Variants in PPFIBP2 observed in about 807,000 individuals in gnomAD.
PPFIBP2 encodes PPFIB scaffold protein 2.
In PPFIBP2, 118 loss-of-function variants were observed where a neutral mutation model predicts 118.3. The observed-to-expected ratio is 1.00, with a 90% confidence interval of 0.86 to 1.16. The LOEUF (loss-of-function observed/expected upper bound fraction) is 1.16. Ranked by LOEUF, PPFIBP2 falls within the 50% of genes most tolerant of loss-of-function variation. The pLI is 0.00. For missense variants in PPFIBP2, 1,195 were observed against 1,073.1 expected, an observed-to-expected ratio of 1.11 and a Z score of -1.59; for synonymous variants, 414 against 397.4, an observed-to-expected ratio of 1.04 and a Z score of -0.50.
chr11:7,569,914 G>T (rs1378764917), intron 3 of PPFIBP2, among the ~76,000 whole-genome samples: 1 of 152,172 alleles, frequency 6.6e-6, no homozygotes, highest in African/African-American at 2.4e-5. Context: ...GGTTATTTCA[G>T]TTCAGGAGCC....
intron 2 of PPFIBP2, among the ~76,000 whole-genome samples, chr11:7,564,296 G>A (rs11041457): frequency 0.25 from 38,217 of 152,012 alleles, 5,479 homozygotes; most frequent in African/African-American, 0.4. Context: ...GTATATGTGC[G>A]GGCATTTTGT....
At chr11:7,576,535 A>C (rs1856346003) in intron 3 of PPFIBP2, 1 of 152,430 alleles carries the variant, frequency 6.6e-6, no homozygotes, top group Admixed American at 6.5e-5. Context: ...CAGCCTTTCC[A>C]AGGCCCCTGT....
Position 7,642,404 on chromosome 11 carries a change from AGG to A in PPFIBP2, c.1626_1627del (p.Asp543LeufsTer7). ...ATAGPRLSRT[R>X]DSKGQKSDAN... ...CGCAGGGCCAAGACTCTCTAGGACC[AGG>A]GACTCCAAGGGACAGAAAAGGTAAG... On this transcript the variant is annotated frameshift_variant, in exon 17 of 24. Coordinates refer to ENST00000299492, the MANE Select transcript of PPFIBP2 (RefSeq NM_003621.5). LOFTEE classifies it high-confidence loss of function. 1 of 1,613,670 alleles carries A rather than the reference AGG, an allele frequency of 6.2e-7. No homozygotes were observed. The highest frequency in any genetic ancestry group is 8.5e-7 in the Non-Finnish European group (1 of 1,179,738).
downstream of PPFIBP2, chr11:7,655,360 G>T (rs1189696479): frequency 8.6e-7 from 1 of 1,163,262 alleles, no homozygotes; most frequent in Admixed American, 2.3e-5. Flanking sequence ...GAGCACGACA[G>T]GACTTGCATG....
chr11:7,564,129 G>A (rs1854666105), intron 2 of PPFIBP2, among the ~76,000 whole-genome samples: 1 of 151,572 alleles, frequency 6.6e-6, no homozygotes, highest in Admixed American at 6.6e-5. Flanking sequence ...TTGCACCACT[G>A]CACTCCAGCC....
downstream of PPFIBP2, among the ~76,000 whole-genome samples, chr11:7,659,087 G>A: frequency 6.8e-6 from 1 of 147,644 alleles, no homozygotes; most frequent in South Asian, 2.2e-4. Context: ...CTCCCATTTT[G>A]TAGGTTGCCT....
downstream of PPFIBP2, among the ~76,000 whole-genome samples, chr11:7,660,206 A>T (rs1443646161): frequency 7.8e-6 from 1 of 127,730 alleles, no homozygotes; most frequent in Admixed American, 8.0e-5. Flanking sequence ...GTGGTGAGAG[A>T]GGGCATCCCT....
intron 3 of PPFIBP2, among the ~76,000 whole-genome samples, chr11:7,579,355 T>C (rs1158528821): frequency 6.6e-6 from 1 of 152,238 alleles, no homozygotes; most frequent in East Asian, 1.9e-4. Flanking sequence ...AGAAATCCTG[T>C]CTGTGCCCAG....
intron 2 of PPFIBP2, among the ~76,000 whole-genome samples, chr11:7,553,039 T>C (rs1392262420): frequency 6.6e-6 from 1 of 152,140 alleles, no homozygotes; most frequent in Non-Finnish European, 1.5e-5. Context: ...TTTTAGTTAA[T>C]AAGCATTTAA....
At chr11:7,605,194 G>C (rs1406303295) in intron 5 of PPFIBP2, among the ~76,000 whole-genome samples, 1 of 152,216 alleles carries the variant, frequency 6.6e-6, no homozygotes, top group Non-Finnish European at 1.5e-5. Context: ...CCTTGGAAAG[G>C]AACTATGGGC....
At chr11:7,521,679 G>A (rs1849769464) in intron 1 of PPFIBP2, among the ~76,000 whole-genome samples, 1 of 152,168 alleles carries the variant, frequency 6.6e-6, no homozygotes, top group Non-Finnish European at 1.5e-5. Flanking sequence ...GCTGCTTTAG[G>A]GCTGTATCAG....
chr11:7,648,266 G>A, intron 17 of PPFIBP2, 121 bp from the exon 18 acceptor site: 5 of 1,163,152 alleles, frequency 4.3e-6, no homozygotes, highest in Non-Finnish European at 5.9e-6. Flanking sequence ...GAGGTTGTTT[G>A]TTAAAAAACA....
At position 7,651,735 on chromosome 11, in the gene PPFIBP2, A is replaced by C. The variant is rs1293492839; in HGVS notation, c.2327A>C (p.His776Pro). Residue 776 changes from histidine (H) to proline (P), a missense_variant, in exon 23 of 24, where the codon CAC becomes CCC. His to Pro is a moderately conservative substitution (Grantham distance 77). Coordinates refer to ENST00000299492, the MANE Select transcript of PPFIBP2 (RefSeq NM_003621.5). ...CCACAAAAGACGCTCCTCAGGCGCC[A>C]CCTGACCACCAAGTTCAATGCCTTG... is the stretch of plus-strand genomic sequence containing the variant. ...IPPQKTLLRR[H>P]LTTKFNALIG... The C allele has an allele frequency of 3.1e-6, 5 of 1,614,098 alleles. No homozygotes were observed. The South Asian group carries it at 4.4e-5, about 14-fold the overall frequency.
At chr11:7,648,274 A>AT (rs1285257433) in intron 17 of PPFIBP2, 113 bp from the exon 18 acceptor site, 1 of 1,251,430 alleles carries the variant, frequency 8.0e-7, no homozygotes, top group Non-Finnish European at 1.1e-6. Flanking sequence ...TTGTTAAAAA[A>AT]CAGGTTTTTT....
At chr11:7,663,263 C>T in the PPFIBP2 span, among the ~76,000 whole-genome samples, 1 of 143,064 alleles carries the variant, frequency 7.0e-6, no homozygotes, top group African/African-American at 2.5e-5. Flanking sequence ...TCTGTTTTTT[C>T]CCCATCTTTG....
At chr11:7,624,002 G>A (rs901065914) in intron 7 of PPFIBP2, among the ~76,000 whole-genome samples, 4 of 152,204 alleles carry the variant, frequency 2.6e-5, no homozygotes, top group Admixed American at 2.0e-4. Context: ...GTGGAGCCCA[G>A]AGTGGAGGGA....
At chr11:7,562,093 C>T (rs144714821) in intron 2 of PPFIBP2, among the ~76,000 whole-genome samples, 10 of 152,340 alleles carry the variant, frequency 6.6e-5, no homozygotes, top group African/African-American at 2.2e-4. Context: ...AGGGTTCACA[C>T]ACCTATGAGA....
At chr11:7,601,662 A>T (rs1040570940) in intron 5 of PPFIBP2, among the ~76,000 whole-genome samples, 3 of 152,214 alleles carry the variant, frequency 2.0e-5, no homozygotes, top group Admixed American at 1.3e-4. Flanking sequence ...TTCCCCATTA[A>T]GAAGAGTTAT....
chr11:7,551,951 C>T (rs560041922), intron 2 of PPFIBP2, among the ~76,000 whole-genome samples: 1 of 152,280 alleles, frequency 6.6e-6, no homozygotes, highest in South Asian at 2.1e-4. Flanking sequence ...TGTGTGAAAC[C>T]CAGGAGACCT....
Sources: gnomAD v4.1 joint callset for allele counts (sites outside exome capture counted in the v4.1 genomes callset) on GRCh38, gnomAD v4.1.1 for gene constraint, MANE v1.5 for transcripts, NCBI Gene and HGNC (gene_info 2026-07-23, HGNC 2026-07-21) for gene names.